Variants in STARD10 observed in about 807,000 individuals in gnomAD.
The protein encoded by STARD10 is START domain-containing protein 10.
In STARD10, 24 loss-of-function variants were observed where a neutral mutation model predicts 36.0. That is an observed-to-expected ratio of 0.67 (90% CI 0.48 to 0.94). The LOEUF (loss-of-function observed/expected upper bound fraction) is 0.94, where lower values mean the gene tolerates loss of function less well. STARD10 is among the 40% of genes least tolerant of loss of function. STARD10 has a pLI of 0.00. For synonymous variants in STARD10, 156 were observed against 161.9 expected, an observed-to-expected ratio of 0.96 and a Z score of 0.28; for missense variants, 335 against 396.6, an observed-to-expected ratio of 0.84 and a Z score of 1.32.
chr11:72,755,208 C>T, intron 6 of STARD10, 66 bp from the exon 7 acceptor site: 2 of 1,513,880 alleles, frequency 1.3e-6, no homozygotes, highest in Non-Finnish European at 1.8e-6. Flanking sequence ...ACACCCCCCT[C>T]CAGCGGCTCA....
chr11:72,793,309 T>C lies in STARD10; in HGVS notation c.-548A>G, dbSNP rs1327174792. The C allele has an allele frequency of 1.3e-5, 2 of 152,252 alleles. No homozygotes were observed. The highest frequency in any genetic ancestry group is 2.9e-5 in the Non-Finnish European group (2 of 68,048). The allele number at this position is 152,252 out of a possible 1,614,324, so 9.4% of individuals were successfully genotyped here. A position where few individuals can be genotyped will look rare whatever the true frequency, so the allele number is the denominator to read the frequency against. ...TACCGCGTGGGTAAATTCCTGAAAG[T>C]AAACTAAGCTGTTTTCACCCCTGGA... On this transcript the variant is annotated 5_prime_UTR_variant, in exon 1 of 7. Coordinates refer to ENST00000334805, the MANE Select transcript of STARD10 (RefSeq NM_006645.3).
chr11:72,755,662 G>T (rs1161553152), intron 6 of STARD10, 39 bp downstream of exon 6: 8 of 1,609,534 alleles, frequency 5.0e-6, no homozygotes, highest in Non-Finnish European at 6.8e-6. Flanking sequence ...CCTCTTTCCA[G>T]TCTTCAACAC....
At chr11:72,790,535 T>G (rs1859128730) in intron 1 of STARD10, 1 of 152,282 alleles carries the variant, frequency 6.6e-6, no homozygotes, top group African/African-American at 2.4e-5. Flanking sequence ...CAGGCGCCCC[T>G]CTTCCCCCAG....
In STARD10 at chr11:72,754,811, C is replaced by CG; in HGVS notation, c.*85dup. 2.0e-6 allele frequency: 3 copies of CG among 1,526,476 alleles called. No individual in the cohort carries two copies. In the South Asian group the frequency reaches 3.6e-5, roughly 18 times the overall value. 94.6% of individuals were successfully genotyped at this position (1,526,476 alleles called of 1,614,324 possible). A position where few individuals can be genotyped will look rare whatever the true frequency, so the allele number is the denominator to read the frequency against. ...GGCCTGGCCCGGTGCCACCAGGTGC[C>CG]GGGTGGGGGAGGGGAGAAAGTGCAG... On this transcript the variant is annotated 3_prime_UTR_variant, in exon 7 of 7. Coordinates refer to ENST00000334805, the MANE Select transcript of STARD10 (RefSeq NM_006645.3).
At chr11:72,773,350 C>A (rs1270730634) in intron 2 of STARD10, among the ~76,000 whole-genome samples, 1 of 152,208 alleles carries the variant, frequency 6.6e-6, no homozygotes, top group Admixed American at 6.5e-5. Context: ...TGCCCTGGGG[C>A]CCCTGGAGGC....
At chr11:72,780,216 C>A in intron 2 of STARD10, 1 of 432,246 alleles carries the variant, frequency 2.3e-6, no homozygotes, top group Non-Finnish European at 4.7e-6. Flanking sequence ...TTCCCAGGGT[C>A]CCAAACCCCA....
At chr11:72,787,152 G>A (rs1170165685) in intron 1 of STARD10, among the ~76,000 whole-genome samples, 3 of 149,588 alleles carry the variant, frequency 2.0e-5, no homozygotes, top group South Asian at 2.1e-4. Flanking sequence ...ACTTGTTCTA[G>A]ACCACACACC....
Position 72,759,175 on chromosome 11 carries a change from T to C in STARD10, c.355+59A>G, listed in dbSNP as rs554570036. The C allele has an allele frequency of 1.9e-6, 3 of 1,591,122 alleles. No individual in the cohort carries two copies. The African/African-American group carries it at 4.0e-5, about 21-fold the overall frequency. On this transcript the variant is annotated intron_variant, in intron 3 of 6. Coordinates refer to ENST00000334805, the MANE Select transcript of STARD10 (RefSeq NM_006645.3). The stretch of plus-strand genomic sequence containing the variant: ...AGGAGGGAGGGGGGAAGAGGAGGCT[T>C]GGTGGGAGGCCTGGATGGAGGCCAA...
Position 72,754,842 on chromosome 11 carries a change from G to T in STARD10, c.*55C>A. 6.4e-7 allele frequency: 1 copy of T among 1,559,370 alleles called. No individual in the cohort carries two copies. The highest frequency in any genetic ancestry group is 8.6e-7 in the Non-Finnish European group (1 of 1,160,000). Reference sequence around the variant, plus strand: ...GGGGAGGGGAGAAAGTGCAGGAGCGGCCGCCGCCCCAGGGCTCGCCCGGTC... The same window carrying T: ...GGGGAGGGGAGAAAGTGCAGGAGCGTCCGCCGCCCCAGGGCTCGCCCGGTC... On this transcript the variant is annotated 3_prime_UTR_variant, in exon 7 of 7. Transcript: ENST00000334805.
At chr11:72,789,336 C>T (rs1276510287) in intron 1 of STARD10, among the ~76,000 whole-genome samples, 3 of 152,212 alleles carry the variant, frequency 2.0e-5, no homozygotes, top group Non-Finnish European at 2.9e-5. Flanking sequence ...GTCTCCGAGG[C>T]CTGGCCTCTG....
intron 2 of STARD10, among the ~76,000 whole-genome samples, chr11:72,770,421 T>C (rs1858840372): frequency 6.6e-6 from 1 of 152,210 alleles, no homozygotes; most frequent in Non-Finnish European, 1.5e-5. Flanking sequence ...TTTCGCCATG[T>C]TGGCCAGAAT....
In STARD10 at chr11:72,782,690, C is replaced by A. The variant is rs373569548; in HGVS notation, c.-113-1396G>T. Among the ~76,000 whole-genome samples the A allele has an allele frequency of 4.4e-4, 67 of 152,320 alleles. No individual in the cohort carries two copies. In the East Asian group the frequency reaches 0.012, roughly 28 times the overall value. ...AGAGTTGGCCAGAGCTCCATAGCTA[C>A]CTGCACCAGCGCTCCTGCCATCCCT... On this transcript the variant is annotated intron_variant, in intron 1 of 6. Transcript: ENST00000334805.
Position 72,780,639 on chromosome 11 carries a change from T to C in STARD10, c.207+336A>G, listed in dbSNP as rs1241341517. The C allele has an allele frequency of 1.5e-5, 6 of 404,648 alleles. 1 individual carries two copies. Among genetic ancestry groups the C allele is most frequent in the Non-Finnish European group, 2.4e-5 (5 of 212,342 alleles). The allele number at this position is 404,648 out of a possible 1,614,324, so 25.1% of individuals were successfully genotyped here. ...GGAGTAACTCAAGTCAGGAACCAGG[T>C]GCAGGCTTCCCCAGCAGAGGGGTCC... On this transcript the variant is annotated intron_variant, in intron 2 of 6. Transcript: ENST00000334805.
intron 2 of STARD10, among the ~76,000 whole-genome samples, chr11:72,767,353 A>G (rs1397206573): frequency 6.6e-6 from 1 of 152,154 alleles, no homozygotes; most frequent in African/African-American, 2.4e-5. Context: ...CTTTGCAGAT[A>G]TTGCCTCTGA....
chr11:72,792,402 C>T (rs1859158512), intron 1 of STARD10, among the ~76,000 whole-genome samples: 1 of 151,998 alleles, frequency 6.6e-6, no homozygotes, highest in Admixed American at 6.6e-5. Context: ...CTACATATAC[C>T]TGCCTTTCAT....
At chr11:72,788,457 C>T (rs1859102025) in intron 1 of STARD10, among the ~76,000 whole-genome samples, 2 of 152,142 alleles carry the variant, frequency 1.3e-5, no homozygotes, top group African/African-American at 2.4e-5. Flanking sequence ...CTGTGTCGCA[C>T]TGCAAGGTTT....
chr11:72,793,364 G>T lies in STARD10; in HGVS notation c.-603C>A, dbSNP rs544052064. Reference sequence around the variant, plus strand: ...ATTTGATCCTCCCAACAGCCTGTTTGCATTTACAAATGAGAAAGCTCAGTT... The same window carrying T: ...ATTTGATCCTCCCAACAGCCTGTTTTCATTTACAAATGAGAAAGCTCAGTT... On this transcript the variant is annotated 5_prime_UTR_variant, in exon 1 of 7. Transcript: ENST00000334805. 2.0e-5 allele frequency: 3 copies of T among 152,338 alleles called. No individual in the cohort carries two copies. The highest frequency in any genetic ancestry group is 7.2e-5 in the African/African-American group (3 of 41,572). 9.4% of individuals were successfully genotyped at this position (152,338 alleles called of 1,614,324 possible).
Position 72,759,321 on chromosome 11 carries a change from C to T in STARD10, c.268G>A (p.Glu90Lys). Residue 90 changes from glutamate to lysine, a missense_variant, in exon 3 of 7, where the codon GAG becomes AAG. By Grantham distance (56) the Glu-to-Lys change is moderately conservative. Coordinates refer to ENST00000334805, the MANE Select transcript of STARD10 (RefSeq NM_006645.3). ...TTGCTGTCCCATTTCTTGCGGTACT[C>T]AATGTCGTGTAGGACGTCGTAGAGT... ...ETLYDVLHDI[E>K]YRKKWDSNVI... The T allele has an allele frequency of 6.2e-7, 1 of 1,614,156 alleles. No homozygotes were observed. The highest frequency in any genetic ancestry group is 8.5e-7 in the Non-Finnish European group (1 of 1,180,022).
intron 1 of STARD10, among the ~76,000 whole-genome samples, chr11:72,787,582 G>C (rs924605651): frequency 6.6e-6 from 1 of 152,254 alleles, no homozygotes; most frequent in Non-Finnish European, 1.5e-5. Flanking sequence ...GGGTCCTCCC[G>C]CTGTCGATGT....
Sources: allele counts gnomAD v4.1 joint callset (sites outside exome capture counted in the v4.1 genomes callset), GRCh38; gene constraint gnomAD v4.1.1; transcripts MANE v1.5; gene names NCBI Gene and HGNC (gene_info 2026-07-23, HGNC 2026-07-21).